The following MCTP2 variants were observed in gnomAD, a reference collection of about 807,000 sequenced individuals.
MCTP2 encodes the protein multiple C2 and transmembrane domain containing 2.
Under a neutral mutation model 111.6 loss-of-function variants are expected in MCTP2, and 132 were observed. That is an observed-to-expected ratio of 1.18 (90% CI 1.03 to 1.37). MCTP2 has a LOEUF of 1.37. Ranked by LOEUF, MCTP2 falls within the 40% of genes most tolerant of loss-of-function variation. The pLI is 0.00. For missense variants in MCTP2, 1,183 were observed against 1,067.9 expected, an observed-to-expected ratio of 1.11 and a Z score of -1.50; for synonymous variants, 395 against 387.7, an observed-to-expected ratio of 1.02 and a Z score of -0.22.
intron 1 of MCTP2, among the ~76,000 whole-genome samples, chr15:94,257,569 G>GT (rs760633548): frequency 3.0e-5 from 1 of 33,864 alleles, no homozygotes; most frequent in African/African-American, 1.2e-4. Flanking sequence ...TTTCTTTGTT[G>GT]TTTTTTTTTT....
At chr15:94,438,926 G>T (rs1172090032) in intron 17 of MCTP2, among the ~76,000 whole-genome samples, 1 of 151,982 alleles carries the variant, frequency 6.6e-6, no homozygotes, top group Non-Finnish European at 1.5e-5. Context: ...TAGGAGTAAT[G>T]AAATCAAGCA....
rs1337269169 is a variant in MCTP2, at chr15:94,440,220, C to T, written c.2130C>T (p.Pro710=). The T allele has an allele frequency of 1.9e-6, 3 of 1,613,946 alleles. No homozygotes were observed. Among genetic ancestry groups the T allele is most frequent in the Non-Finnish European group, 1.7e-6 (2 of 1,179,962 alleles). ...GGAATTTTGAACTATATATGATCCC[C>T]TTGGCATTGTTGCTGATCTTTGTCT... ...TVWNFELYMI[P]LALLLIFVYN... is the part of the protein sequence containing the mutation. Residue 710 remains proline, a synonymous_variant, in exon 18 of 23, where the codon CCC becomes CCT. Coordinates refer to ENST00000357742, the MANE Select transcript of MCTP2 (RefSeq NM_001385001.1).
At chr15:94,273,564 G>A (rs1042279387) in intron 1 of MCTP2, 3 of 199,458 alleles carry the variant, frequency 1.5e-5, no homozygotes, top group African/African-American at 4.6e-5. Flanking sequence ...ATGCCCCCTC[G>A]CAGGTATGCA....
At chr15:94,323,101 CA>C (rs1352854552) in intron 4 of MCTP2, among the ~76,000 whole-genome samples, 18 of 152,120 alleles carry the variant, frequency 1.2e-4, no homozygotes, top group Non-Finnish European at 2.6e-4. Context: ...GTATGTTAAG[CA>C]GGTTATCAAG....
chr15:94,256,417 C>T (rs62017634), intron 1 of MCTP2, among the ~76,000 whole-genome samples: 8,509 of 152,152 alleles, frequency 0.056, 316 homozygotes, highest in Non-Finnish European at 0.073. Context: ...AATATACCAC[C>T]CTCCTCCCCA....
chr15:94,469,988 C>G (rs1173958302), intron 20 of MCTP2, among the ~76,000 whole-genome samples: 1 of 152,102 alleles, frequency 6.6e-6, no homozygotes, highest in African/African-American at 2.4e-5. Flanking sequence ...AGTGACCTAA[C>G]CCTTAGTTTT....
At chr15:94,328,180 G>C (rs1714205116) in intron 4 of MCTP2, among the ~76,000 whole-genome samples, 2 of 150,088 alleles carry the variant, frequency 1.3e-5, no homozygotes, top group South Asian at 2.1e-4. Context: ...CCAGGCTGGA[G>C]TGCAGTGGCG....
intron 1 of MCTP2, among the ~76,000 whole-genome samples, chr15:94,259,247 C>G (rs2073035839): frequency 6.6e-6 from 1 of 152,122 alleles, no homozygotes; most frequent in African/African-American, 2.4e-5. Flanking sequence ...TGCTAAAGGT[C>G]CTGAATAAAG....
intron 19 of MCTP2, among the ~76,000 whole-genome samples, chr15:94,448,668 G>A (rs776307548): frequency 1.2e-4 from 19 of 152,220 alleles, no homozygotes; most frequent in Middle Eastern, 3.4e-3. Context: ...AAGCATTTTG[G>A]ATAAAGGATA....
intron 4 of MCTP2, among the ~76,000 whole-genome samples, chr15:94,334,156 G>A (rs138542558): frequency 3.5e-4 from 53 of 152,284 alleles, no homozygotes; most frequent in East Asian, 2.5e-3. Flanking sequence ...GCAAATGACC[G>A]AAGCCTGCTA....
In MCTP2 at chr15:94,464,239, A is replaced by AATATATATATATATATATATTATAT. The variant is rs1555481312; in HGVS notation, c.2360+6011_2360+6012insATTATATATATATATATATATATAT. Reference sequence around the variant, plus strand: ...TGAAATATTATATGTTTATATATATAATATATATATATATATATTATATAT... The same window carrying AATATATATATATATATATATTATAT: ...TGAAATATTATATGTTTATATATATAATATATATATATATATATATTATATATATATATATATATATATTATATAT... On this transcript the variant is annotated intron_variant, in intron 20 of 22. Transcript: ENST00000357742. 1.2e-4 allele frequency among the ~76,000 whole-genome samples: 11 copies of AATATATATATATATATATATTATAT among 89,340 alleles called. 1 individual carries two copies. In the South Asian group the frequency reaches 3.5e-3, roughly 29 times the overall value. 58.6% of individuals were successfully genotyped at this position (89,340 alleles called of 152,430 possible).
chr15:94,238,354 A>C (rs1306040375), intron 1 of MCTP2, among the ~76,000 whole-genome samples: 1 of 152,152 alleles, frequency 6.6e-6, no homozygotes, highest in Admixed American at 6.5e-5. Flanking sequence ...TGTATATCGT[A>C]TGAATCATAA....
intron 10 of MCTP2, among the ~76,000 whole-genome samples, chr15:94,359,285 C>G (rs2078792637): frequency 1.3e-5 from 2 of 152,150 alleles, no homozygotes; most frequent in Admixed American, 1.3e-4. Flanking sequence ...CATGCTCATT[C>G]TATAGATGAT....
At chr15:94,344,468 A>T (rs920284101) in intron 7 of MCTP2, among the ~76,000 whole-genome samples, 1 of 152,228 alleles carries the variant, frequency 6.6e-6, no homozygotes, top group Non-Finnish European at 1.5e-5. Context: ...GAATGGTGAC[A>T]GGAGTGATGA....
rs780892138 is a variant in MCTP2, at chr15:94,298,259, T to C, written c.-7T>C. ...TGAGAAGTGGCTTCTTGGGTCTTCATGCAGCCATGGATCTGGATAAACCAT... is the reference window on the plus strand; with the variant it reads ...TGAGAAGTGGCTTCTTGGGTCTTCACGCAGCCATGGATCTGGATAAACCAT... On this transcript the variant is annotated 5_prime_UTR_variant, in exon 2 of 23. The change abolishes an upstream ATG in the 5' untranslated region. Coordinates refer to ENST00000357742, the MANE Select transcript of MCTP2 (RefSeq NM_001385001.1). 9 of 1,592,848 alleles carry C rather than the reference T, an allele frequency of 5.7e-6. No homozygotes were observed. The Admixed American group carries it at 7.1e-5, about 13-fold the overall frequency.
intron 12 of MCTP2, among the ~76,000 whole-genome samples, chr15:94,371,722 T>TC (rs2079498372): frequency 6.6e-6 from 1 of 152,156 alleles, no homozygotes; most frequent in Non-Finnish European, 1.5e-5. Context: ...GGAGTCCTGC[T>TC]CTGTCGCCCA....
chr15:94,248,489 A>C lies in MCTP2; in HGVS notation c.-66+16825A>C, dbSNP rs114757711. 6.0e-3 allele frequency among the ~76,000 whole-genome samples: 912 copies of C among 152,188 alleles called. 9 individuals carry two copies. Among genetic ancestry groups the C allele is most frequent in the African/African-American group, 0.019 (802 of 41,500 alleles). ...CCTTCTGTGTTTACTTTCCAATTAC[A>C]TTGGCCAGTCAGGTAAGCCTAGAGC... is the stretch of plus-strand genomic sequence containing the variant. On this transcript the variant is annotated intron_variant, in intron 1 of 22. Coordinates refer to ENST00000357742, the MANE Select transcript of MCTP2 (RefSeq NM_001385001.1).
At chr15:94,421,212 C>T (rs2152493749) in intron 17 of MCTP2, among the ~76,000 whole-genome samples, 1 of 151,898 alleles carries the variant, frequency 6.6e-6, no homozygotes. Flanking sequence ...TGTTGCTGTA[C>T]ACTGTACTAG....
intron 1 of MCTP2, among the ~76,000 whole-genome samples, chr15:94,234,535 T>C (rs1366526425): frequency 6.6e-6 from 1 of 151,282 alleles, no homozygotes; most frequent in Non-Finnish European, 1.5e-5. Flanking sequence ...CCTCAAAGAG[T>C]GAGAGGGAAA....
Sources: gnomAD v4.1 joint callset for allele counts (sites outside exome capture counted in the v4.1 genomes callset) on GRCh38, gnomAD v4.1.1 for gene constraint, MANE v1.5 for transcripts, NCBI Gene and HGNC (gene_info 2026-07-23, HGNC 2026-07-21) for gene names.